Variants in CSMD1 observed in about 807,000 individuals in gnomAD.
CSMD1 encodes CUB and sushi domain-containing protein 1.
CSMD1 carries 213 observed loss-of-function variants against 417.5 expected under a neutral mutation model. That is an observed-to-expected ratio of 0.51 (90% CI 0.46 to 0.57). The LOEUF (loss-of-function observed/expected upper bound fraction) is 0.57. CSMD1 is among the 20% of genes least tolerant of loss of function. The pLI, the probability that CSMD1 is intolerant of heterozygous loss-of-function variation, is 0.00. For missense variants in CSMD1, 6,923 were observed against 4,529.7 expected (o/e 1.53, Z -15.17); for synonymous variants, 2,862 against 1,736.8 (o/e 1.65, Z -16.11).
intron 1 of CSMD1, chr8:4,787,680 A>G: frequency 6.3e-7 from 1 of 1,590,846 alleles, no homozygotes; most frequent in South Asian, 1.1e-5. Context: ...AAGTTTACCC[A>G]CCTAAAGTGG....
intron 5 of CSMD1, among the ~76,000 whole-genome samples, chr8:3,787,049 C>A (rs1435144265): frequency 6.6e-6 from 1 of 152,044 alleles, no homozygotes; most frequent in African/African-American, 2.4e-5. Flanking sequence ...TGTGAAGTGT[C>A]ATATTTATTC....
intron 30 of CSMD1, among the ~76,000 whole-genome samples, 198 bp from the exon 31 acceptor site, chr8:3,205,818 G>C (rs1797220875): frequency 6.6e-6 from 1 of 152,048 alleles, no homozygotes; most frequent in African/African-American, 2.4e-5. Flanking sequence ...ATCCAACTTA[G>C]GAGAAAAACC....
chr8:4,576,458 G>C (rs747860982), intron 2 of CSMD1, among the ~76,000 whole-genome samples: 1 of 152,024 alleles, frequency 6.6e-6, no homozygotes, highest in African/African-American at 2.4e-5. Context: ...ATAGTCCTTC[G>C]TTTGGCTGGA....
At chr8:4,895,097 G>C (rs187999922) in intron 1 of CSMD1, among the ~76,000 whole-genome samples, 1 of 152,092 alleles carries the variant, frequency 6.6e-6, no homozygotes, top group Admixed American at 6.6e-5. Flanking sequence ...TCACTCTCAG[G>C]AACTGGTTAT....
chr8:4,264,997 T>A (rs1013022600), intron 3 of CSMD1, among the ~76,000 whole-genome samples: 4 of 152,170 alleles, frequency 2.6e-5, no homozygotes, highest in Admixed American at 6.6e-5. Flanking sequence ...TAAGAAGCAC[T>A]TATCAATATG....
At chr8:3,040,619 AT>A (rs1811025335) in intron 50 of CSMD1, among the ~76,000 whole-genome samples, 1 of 151,892 alleles carries the variant, frequency 6.6e-6, no homozygotes, top group Non-Finnish European at 1.5e-5. Flanking sequence ...CCTGGCCAAC[AT>A]GATGAAACCC....
chr8:4,309,455 A>T (rs1250562902), intron 3 of CSMD1, among the ~76,000 whole-genome samples: 1 of 143,588 alleles, frequency 7.0e-6, no homozygotes, highest in Non-Finnish European at 1.5e-5. Flanking sequence ...AATATTATGA[A>T]AGACGAGAAA....
chr8:3,791,995 T>C (rs1159789008), intron 5 of CSMD1, among the ~76,000 whole-genome samples: 1 of 145,590 alleles, frequency 6.9e-6, no homozygotes, highest in African/African-American at 2.5e-5. Context: ...TTCTGATTTC[T>C]AATTCTTTTG....
intron 4 of CSMD1, among the ~76,000 whole-genome samples, chr8:4,000,886 T>C (rs943380110): frequency 6.6e-6 from 1 of 152,132 alleles, no homozygotes; most frequent in Non-Finnish European, 1.5e-5. Context: ...ATCATAGATG[T>C]GTGGAATTAA....
At chr8:3,535,161 C>T (rs899381661) in intron 10 of CSMD1, among the ~76,000 whole-genome samples, 1 of 151,936 alleles carries the variant, frequency 6.6e-6, no homozygotes, top group Non-Finnish European at 1.5e-5. Flanking sequence ...ACCATGGTGC[C>T]CATGCTGGTC....
chr8:4,024,622 G>A (rs146696471), intron 4 of CSMD1, among the ~76,000 whole-genome samples: 2 of 152,234 alleles, frequency 1.3e-5, no homozygotes, highest in East Asian at 3.9e-4. Context: ...GTTCTTTGAG[G>A]TACAAGCAGG....
chr8:4,132,693 G>T (rs184145182), intron 3 of CSMD1, among the ~76,000 whole-genome samples: 1 of 152,268 alleles, frequency 6.6e-6, no homozygotes, highest in East Asian at 1.9e-4. Context: ...GCAACTCAAT[G>T]TGGGGCTTCC....
chr8:3,486,912 A>G (rs1243580474), intron 11 of CSMD1, among the ~76,000 whole-genome samples: 2 of 152,292 alleles, frequency 1.3e-5, no homozygotes, highest in South Asian at 2.1e-4. Flanking sequence ...AGATCTGGCA[A>G]TGTCTGAACT....
intron 1 of CSMD1, among the ~76,000 whole-genome samples, chr8:4,683,112 A>G (rs1806150594): frequency 1.3e-5 from 2 of 151,388 alleles, no homozygotes; most frequent in South Asian, 2.1e-4. Flanking sequence ...TTGTACTATT[A>G]TTTACATGTA....
chr8:3,926,100 C>CAAACACCAT (rs1554488627), intron 5 of CSMD1, among the ~76,000 whole-genome samples: 1 of 75,286 alleles, frequency 1.3e-5, no homozygotes, highest in Non-Finnish European at 2.6e-5. Context: ...CACACACACA[C>CAAACACCAT]ACACACACAC....
chr8:4,654,996 T>C (rs1804138280), intron 1 of CSMD1, among the ~76,000 whole-genome samples: 2 of 151,400 alleles, frequency 1.3e-5, no homozygotes, highest in Non-Finnish European at 2.9e-5. Context: ...CTAACCATTG[T>C]TTGAAAATGA....
At position 3,985,687 on chromosome 8, in the gene CSMD1, T is replaced by A. The variant is rs535229078; in HGVS notation, c.818+12216A>T. Among the ~76,000 whole-genome samples the A allele has an allele frequency of 9.2e-5, 14 of 152,010 alleles. No individual in the cohort carries two copies. In the South Asian group the frequency reaches 2.9e-3, roughly 32 times the overall value. ...TGATGCTAGAATTCTCATTACAACC[T>A]CCAAGAATCAAGTAACAACTTGATT... On this transcript the variant is annotated intron_variant, in intron 5 of 69. Transcript: ENST00000635120.
intron 3 of CSMD1, among the ~76,000 whole-genome samples, chr8:4,417,687 C>G (rs564909535): frequency 6.6e-6 from 1 of 152,014 alleles, no homozygotes; most frequent in Admixed American, 6.6e-5. Flanking sequence ...AAAATAAAAA[C>G]TAATGGGAAA....
At chr8:3,724,341 C>T (rs1033447148) in intron 6 of CSMD1, among the ~76,000 whole-genome samples, 27 of 151,882 alleles carry the variant, frequency 1.8e-4, no homozygotes, top group Non-Finnish European at 2.4e-4. Context: ...AATGCTATCC[C>T]GGGTTTTTGT....
Sources: allele counts gnomAD v4.1 joint callset (sites outside exome capture counted in the v4.1 genomes callset), GRCh38; gene constraint gnomAD v4.1.1; transcripts MANE v1.5; gene names NCBI Gene and HGNC (gene_info 2026-07-23, HGNC 2026-07-21).